CC2D1B: variants seen among roughly 807,000 people sequenced by gnomAD.
CC2D1B encodes the protein coiled-coil and C2 domain-containing protein 1B.
In CC2D1B, 92 loss-of-function variants were observed where a neutral mutation model predicts 110.8. The ratio of observed to expected loss-of-function variants is 0.83; its 90% CI spans 0.70 to 0.99. CC2D1B has a LOEUF of 0.99. Among genes scored for constraint, CC2D1B ranks in the 50% least tolerant of loss-of-function variants. CC2D1B has a pLI of 0.00. For missense variants in CC2D1B, 1,136 were observed against 1,089.0 expected (o/e 1.04, Z -0.61); for synonymous variants, 406 against 429.2 (o/e 0.95, Z 0.67).
rs994106069 is a variant in CC2D1B, at chr1:52,366,176, G to C, written c.-122C>G. 17 of 152,438 alleles carry C rather than the reference G, an allele frequency of 1.1e-4. No homozygotes were observed. Among genetic ancestry groups the C allele is most frequent in the Admixed American group, 3.9e-4 (6 of 15,314 alleles). The allele number at this position is 152,438 out of a possible 1,614,324, so 9.4% of individuals were successfully genotyped here. On this transcript the variant is annotated 5_prime_UTR_variant, in exon 1 of 25. Coordinates refer to ENST00000284376, the MANE Select transcript of CC2D1B (RefSeq NM_001330585.2). Reference sequence around the variant, plus strand: ...AGCGACAGGAAGCGCCAGCAGGGGAGGTGGCTCGCGCGCAACACGTGACCC... The same window carrying C: ...AGCGACAGGAAGCGCCAGCAGGGGACGTGGCTCGCGCGCAACACGTGACCC...
In CC2D1B at chr1:52,352,086, G is replaced by C. The variant is rs979792567; in HGVS notation, c.*1139C>G. On this transcript the variant is annotated 3_prime_UTR_variant, in exon 25 of 25. Coordinates refer to ENST00000284376, the MANE Select transcript of CC2D1B (RefSeq NM_001330585.2). ...GCAATACTATAGTGATCAGTAAGCT[G>C]AATGTATTTGCTTCACTTCTAACCT... is the stretch of plus-strand genomic sequence containing the variant. 2.0e-5 allele frequency: 3 copies of C among 152,086 alleles called. No homozygotes were observed. Among genetic ancestry groups the C allele is most frequent in the East Asian group, 1.9e-4 (1 of 5,170 alleles). The allele number at this position is 152,086 out of a possible 1,614,324, so 9.4% of individuals were successfully genotyped here. A position where few individuals can be genotyped will look rare whatever the true frequency, so the allele number is the denominator to read the frequency against.
Position 52,358,490 on chromosome 1 carries a change from C to A in CC2D1B, c.1331-29G>T, listed in dbSNP as rs1646704019. The A allele has an allele frequency of 2.5e-6, 4 of 1,610,884 alleles. No homozygotes were observed. In the East Asian group the frequency reaches 8.9e-5, roughly 36 times the overall value. On this transcript the variant is annotated intron_variant, in intron 12 of 24. Transcript: ENST00000284376. ...TGGGAGAGAGACAGCATGGGAGGGGCAGGGAGCAGCCTCAGAGAAGCACAA... is the reference window on the plus strand; with the variant it reads ...TGGGAGAGAGACAGCATGGGAGGGGAAGGGAGCAGCCTCAGAGAAGCACAA...
chr1:52,358,991 C>T, intron 11 of CC2D1B, 36 bp downstream of exon 11: 1 of 1,597,750 alleles, frequency 6.3e-7, no homozygotes, highest in Non-Finnish European at 8.5e-7. Flanking sequence ...AGGGAAGAGG[C>T]CAGCACAGGC....
In CC2D1B at chr1:52,357,514, G is replaced by A; in HGVS notation, c.1752+12C>T. The A allele has an allele frequency of 6.4e-7, 1 of 1,564,128 alleles. No individual in the cohort carries two copies. The highest frequency in any genetic ancestry group is 2.4e-5 in the East Asian group (1 of 42,148). On this transcript the variant is annotated intron_variant, in intron 15 of 24. Coordinates refer to ENST00000284376, the MANE Select transcript of CC2D1B (RefSeq NM_001330585.2). ...CCTGAGAAGTCCTGGTGGTTAACCA[G>A]GTGGGACTCACCTTGGACAGATCAA...
In CC2D1B at chr1:52,358,410, G is replaced by T; in HGVS notation, c.1382C>A (p.Ala461Glu). 1.9e-6 allele frequency: 3 copies of T among 1,614,094 alleles called. No individual in the cohort carries two copies. Among genetic ancestry groups the T allele is most frequent in the Non-Finnish European group, 2.5e-6 (3 of 1,180,026 alleles). Residue 461 changes from alanine to glutamate, a missense_variant, in exon 13 of 25, where the codon GCA (alanine) becomes GAA (glutamate). Physicochemically the swap from Ala to Glu is moderately radical, Grantham distance 107 (BLOSUM62 -1). Transcript: ENST00000284376. ...TGCAGCTGCCAATGTCGCTGCCACT[G>T]CGTCCTCCTCAACACCCATAGTGGA... is the stretch of plus-strand genomic sequence containing the variant. ...LESTMGVEED[A>E]VAATLAAAEK...
At chr1:52,359,954 G>A in intron 7 of CC2D1B, 71 bp from the exon 8 acceptor site, 1 of 1,559,662 alleles carries the variant, frequency 6.4e-7, no homozygotes, top group Non-Finnish European at 8.7e-7. Flanking sequence ...GACTTCACTG[G>A]CTTGAGGATG....
At position 52,355,496 on chromosome 1, in the gene CC2D1B, GCACACAGGGCAGGCACTGCAGC is replaced by G. The variant is rs565113251; in HGVS notation, c.2188-69_2188-48del. ...GTCAGGACAGCGTATAAACAAAGAG[GCACACAGGGCAGGCACTGCAGC>G]CACACCTCCCAGGGATGGGAAGAAA... On this transcript the variant is annotated intron_variant, in intron 20 of 24. Transcript: ENST00000284376. The G allele has an allele frequency of 1.4e-4, 225 of 1,611,124 alleles. No homozygotes were observed. In the African/African-American group the frequency reaches 2.5e-3, roughly 18 times the overall value.
Position 52,360,242 on chromosome 1 carries a change from G to C in CC2D1B, c.604-9C>G. 1.2e-6 allele frequency: 2 copies of C among 1,613,792 alleles called. No individual in the cohort carries two copies. The highest frequency in any genetic ancestry group is 1.7e-6 in the Non-Finnish European group (2 of 1,179,912). Reference sequence around the variant, plus strand: ...AGCTGCGACTCCAAGGTCTGAGGGAGAGAACTGGTCCAGAAACCCAGCCAG... The same window carrying C: ...AGCTGCGACTCCAAGGTCTGAGGGACAGAACTGGTCCAGAAACCCAGCCAG... On this transcript the variant is annotated splice_polypyrimidine_tract_variant and intron_variant, in intron 6 of 24. Coordinates refer to ENST00000284376, the MANE Select transcript of CC2D1B (RefSeq NM_001330585.2).
chr1:52,363,727 C>A (rs925627112), intron 2 of CC2D1B, among the ~76,000 whole-genome samples: 1 of 150,120 alleles, frequency 6.7e-6, no homozygotes, highest in African/African-American at 2.5e-5. Flanking sequence ...GTCGCCCAGG[C>A]TAGAGTGCAG....
In CC2D1B at chr1:52,356,224, G is replaced by A. The variant is rs1410242730; in HGVS notation, c.2016C>T (p.Pro672=). The A allele has an allele frequency of 4.3e-6, 7 of 1,613,542 alleles. No individual in the cohort carries two copies. In the African/African-American group the frequency reaches 5.3e-5, roughly 12 times the overall value. ...QLAQAQGLDP[P]THHFELKTFQ... ...ATGTCTTCAACTCAAAGTGGTGGGT[G>A]GGAGGGTCGAGGCCCTGAGCCTGGG... The change falls in exon 18 of 25, where the codon CCC becomes CCT. Residue 672 remains proline, a synonymous_variant. Coordinates refer to ENST00000284376, the MANE Select transcript of CC2D1B (RefSeq NM_001330585.2).
chr1:52,361,130 C>G lies in CC2D1B; in HGVS notation c.321G>C (p.Thr107=), dbSNP rs745317000. ...CCACACCTAAGACCTCCTGCAGCTC[C>G]GTCTAGGGAGACAAAACACAGCCCA... ...EGLEEDAELL[T]ELQEVLGVDE... The change falls in exon 5 of 25, where the codon ACG becomes ACC. Residue 107 remains threonine, a splice_region_variant and synonymous_variant. Transcript: ENST00000284376. 28 of 1,613,878 alleles carry G rather than the reference C, an allele frequency of 1.7e-5. No homozygotes were observed. The highest frequency in any genetic ancestry group is 2.4e-5 in the Non-Finnish European group (28 of 1,179,956).
chr1:52,360,040 G>C, intron 7 of CC2D1B, 34 bp downstream of exon 7: 1 of 1,555,276 alleles, frequency 6.4e-7, no homozygotes, highest in South Asian at 1.2e-5. Context: ...TATGACCCCA[G>C]GAACTAGAAC....
In CC2D1B at chr1:52,359,247, T is replaced by C; in HGVS notation, c.1126+3A>G. 6.2e-7 allele frequency: 1 copy of C among 1,612,056 alleles called. No individual in the cohort carries two copies. Among genetic ancestry groups the C allele is most frequent in the South Asian group, 1.1e-5 (1 of 90,902 alleles). On this transcript the variant is annotated splice_donor_region_variant and intron_variant, in intron 10 of 24. Transcript: ENST00000284376. ...ACGCCACAGTCCCACCATCCTGCCC[T>C]ACCTGGGGTTGCTGGGACGTCAGGG...
rs1569855481 is a variant in CC2D1B, at chr1:52,359,540, G to A, written c.943-6C>T. The A allele has an allele frequency of 1.9e-6, 3 of 1,613,380 alleles. No homozygotes were observed. Among genetic ancestry groups the A allele is most frequent in the Admixed American group, 1.7e-5 (1 of 59,992 alleles). On this transcript the variant is annotated splice_region_variant and splice_polypyrimidine_tract_variant and intron_variant, in intron 8 of 24. Transcript: ENST00000284376. ...TCCAGGACAGCACCGAATCTCTGCA[G>A]AAGTTGGAAAAGCAGGTGTGGGTGA...
At position 52,359,268 on chromosome 1, in the gene CC2D1B, CAG is replaced by C. The variant is rs1201064056; in HGVS notation, c.1106_1107del (p.Pro369ArgfsTer46). The C allele has an allele frequency of 6.2e-7, 1 of 1,612,858 alleles. No individual in the cohort carries two copies. Among genetic ancestry groups the C allele is most frequent in the Non-Finnish European group, 8.5e-7 (1 of 1,179,406 alleles). The stretch of plus-strand genomic sequence containing the variant: ...GCCCTACCTGGGGTTGCTGGGACGT[CAG>C]GGGCCATCACTGGCTGCACTCGCTC... Reference protein sequence around the residue: ...AVERVQPVMAPDVPATPVAPT... With the variant: ...AVERVQPVMAXDVPATPVAPT... On this transcript the variant is annotated frameshift_variant, in exon 10 of 25. Transcript: ENST00000284376. LOFTEE classifies it high-confidence loss of function.
chr1:52,358,014 G>GCCACCCATCTCA, intron 13 of CC2D1B, 116 bp from the exon 14 acceptor site: 1 of 1,435,346 alleles, frequency 7.0e-7, no homozygotes, highest in Non-Finnish European at 9.3e-7. Context: ...GACCTGAGAT[G>GCCACCCATCTCA]GGTGGCTTCT....
intron 23 of CC2D1B, 53 bp downstream of exon 23, chr1:52,354,555 T>C: frequency 7.1e-7 from 1 of 1,410,726 alleles, no homozygotes; most frequent in South Asian, 1.2e-5. Flanking sequence ...ATTCAGTGCG[T>C]ATTGGCTCTT....
chr1:52,355,957 A>G, intron 18 of CC2D1B, 113 bp from the exon 19 acceptor site: 3 of 1,113,138 alleles, frequency 2.7e-6, no homozygotes, highest in Non-Finnish European at 2.7e-6. Context: ...GGGAAGGCAG[A>G]GCTGGTATGC....
In CC2D1B at chr1:52,362,583, G is replaced by A. The variant is rs1409172643; in HGVS notation, c.214+19C>T. 1 of 1,614,046 alleles carries A rather than the reference G, an allele frequency of 6.2e-7. No individual in the cohort carries two copies. Among genetic ancestry groups the A allele is most frequent in the South Asian group, 1.1e-5 (1 of 91,080 alleles). ...CCATCTTGTCCCAGCACCAAGACCA[G>A]CCCTGTGTCCAAACTCACCCTGCCC... is the stretch of plus-strand genomic sequence containing the variant. On this transcript the variant is annotated intron_variant, in intron 3 of 24. Coordinates refer to ENST00000284376, the MANE Select transcript of CC2D1B (RefSeq NM_001330585.2).
Sources: gnomAD v4.1 joint callset for allele counts (sites outside exome capture counted in the v4.1 genomes callset) on GRCh38, gnomAD v4.1.1 for gene constraint, MANE v1.5 for transcripts, NCBI Gene and HGNC (gene_info 2026-07-23, HGNC 2026-07-21) for gene names.